The following PLCL2 variants were observed in gnomAD, a reference collection of about 807,000 sequenced individuals.
PLCL2 encodes inactive phospholipase C-like protein 2.
A neutral mutation model predicts 79.6 loss-of-function variants in PLCL2; 4 were observed. The ratio of observed to expected loss-of-function variants is 0.05; its 90% CI spans 0.02 to 0.11. The LOEUF is 0.11. Among genes scored for constraint, PLCL2 ranks in the 10% least tolerant of loss-of-function variants. PLCL2 has a pLI of 1.00. For missense variants in PLCL2, 895 were observed against 1,291.0 expected, an observed-to-expected ratio of 0.69 and a Z score of 4.70; for synonymous variants, 484 against 457.7, an observed-to-expected ratio of 1.06 and a Z score of -0.73.
intron 1 of PLCL2, chr3:16,933,435 C>T (rs2124944347): frequency 6.5e-6 from 1 of 153,702 alleles, no homozygotes; most frequent in Middle Eastern, 7.6e-4. Flanking sequence ...ATGAAATATA[C>T]TAACAAAGCC....
intron 3 of PLCL2, among the ~76,000 whole-genome samples, chr3:17,027,073 C>T (rs1280434994): frequency 6.6e-6 from 1 of 151,952 alleles, no homozygotes; most frequent in Non-Finnish European, 1.5e-5. Flanking sequence ...ATTTTTTGTC[C>T]AACATATATC....
rs546334483 is a variant in PLCL2, at chr3:17,066,690, G to A, written c.3095-1266G>A. On this transcript the variant is annotated intron_variant, in intron 4 of 5. Transcript: ENST00000615277. ...TCATCTACACATTGGAGTCTCTGTA[G>A]CTGTCACAGAAAAGAGTGAGGAAGA... Among the ~76,000 whole-genome samples, 145 of 152,296 alleles carry A rather than the reference G, an allele frequency of 9.5e-4. 1 individual carries two copies. The highest frequency in any genetic ancestry group is 1.7e-3 in the Non-Finnish European group (114 of 68,026).
At chr3:17,037,455 T>C (rs750415663) in intron 3 of PLCL2, among the ~76,000 whole-genome samples, 1 of 152,226 alleles carries the variant, frequency 6.6e-6, no homozygotes, top group Admixed American at 6.5e-5. Flanking sequence ...ATAGAATCCA[T>C]GTGAAAGAAC....
chr3:16,932,175 A>AC (rs1697418241), intron 1 of PLCL2, among the ~76,000 whole-genome samples: 1 of 152,176 alleles, frequency 6.6e-6, no homozygotes, highest in Admixed American at 6.5e-5. Context: ...ATAGCTCTTA[A>AC]TTTTTAGTTG....
At chr3:17,070,684 C>CTT (rs1344230580) in intron 5 of PLCL2, among the ~76,000 whole-genome samples, 4 of 151,946 alleles carry the variant, frequency 2.6e-5, no homozygotes, top group Non-Finnish European at 5.9e-5. Context: ...GAATTTAGGT[C>CTT]TAAGTTGAGC....
chr3:17,089,070 G>C (rs1439100783), intron 5 of PLCL2, among the ~76,000 whole-genome samples: 1 of 152,192 alleles, frequency 6.6e-6, no homozygotes, highest in East Asian at 1.9e-4. Flanking sequence ...GTGGGCTTCA[G>C]AGATGGAGAA....
chr3:17,055,012 T>C (rs972352577), intron 4 of PLCL2, among the ~76,000 whole-genome samples: 1 of 152,154 alleles, frequency 6.6e-6, no homozygotes, highest in Non-Finnish European at 1.5e-5. Flanking sequence ...TGAACTAAGA[T>C]CAGTTACATA....
intron 1 of PLCL2, among the ~76,000 whole-genome samples, chr3:16,894,224 G>T (rs1696417787): frequency 6.6e-6 from 1 of 151,994 alleles, no homozygotes; most frequent in Non-Finnish European, 1.5e-5. Context: ...ATATTGCTTA[G>T]ATTTTTATTT....
intron 3 of PLCL2, among the ~76,000 whole-genome samples, chr3:17,035,213 A>C (rs760765391): frequency 2.2e-4 from 33 of 152,212 alleles, no homozygotes; most frequent in Admixed American, 6.5e-4. Flanking sequence ...CCACCAGTTC[A>C]ATTCAACTAA....
chr3:16,949,900 A>G (rs2063635162), intron 1 of PLCL2, among the ~76,000 whole-genome samples: 1 of 152,210 alleles, frequency 6.6e-6, no homozygotes, highest in Non-Finnish European at 1.5e-5. Context: ...TTTGTTTCAT[A>G]GTTAATCCCT....
intron 1 of PLCL2, among the ~76,000 whole-genome samples, chr3:16,965,757 C>G (rs1455366956): frequency 8.6e-5 from 13 of 152,016 alleles, no homozygotes; most frequent in South Asian, 2.1e-4. Flanking sequence ...AGCTGGATTC[C>G]TAGGTATTTT....
In PLCL2 at chr3:17,010,101, A is replaced by G; in HGVS notation, c.755A>G (p.Tyr252Cys). The G allele has an allele frequency of 6.2e-7, 1 of 1,614,096 alleles. No individual in the cohort carries two copies. The highest frequency in any genetic ancestry group is 8.5e-7 in the Non-Finnish European group (1 of 1,179,958). Residue 252 changes from tyrosine to cysteine, a missense_variant, in exon 2 of 6, where the codon TAT becomes TGT. Transcript: ENST00000615277. This position sits in a 1 kb window ranked among gnomAD's most constrained non-coding sequence, Gnocchi z 5.8. Reference protein sequence around the residue: ...WVTGLRYLISYGKHTLDMLES... With the variant: ...WVTGLRYLISCGKHTLDMLES... The stretch of plus-strand genomic sequence containing the variant: ...ACAGGACTGCGGTACCTAATTTCTT[A>G]TGGAAAACATACACTTGATATGTTA...
chr3:16,980,574 T>C (rs1232982885), intron 1 of PLCL2, among the ~76,000 whole-genome samples: 1 of 141,048 alleles, frequency 7.1e-6, no homozygotes, highest in Non-Finnish European at 1.5e-5. Context: ...TTCCCAGATG[T>C]GATGGCGGCC....
chr3:16,927,371 C>A (rs546506906), intron 1 of PLCL2, among the ~76,000 whole-genome samples: 2 of 152,082 alleles, frequency 1.3e-5, no homozygotes, highest in Non-Finnish European at 2.9e-5. Context: ...ATGAAATAAA[C>A]AATAGAAGAC....
rs1282017361 is a variant in PLCL2, at chr3:16,885,098, C to T, written c.59C>T (p.Pro20Leu). ...GGGGCCCTGCCCACCTCCCCGGGCC[C>T]GGCCCTCGGCGCCAAGGGCGCCCTG... is the stretch of plus-strand genomic sequence containing the variant. ...AGGALPTSPG[P>L]ALGAKGALKA... Residue 20 changes from proline to leucine, a missense_variant, in exon 1 of 6, where the codon CCG (proline) becomes CTG (leucine). Physicochemically the swap from Pro to Leu is moderately conservative, Grantham distance 98. Coordinates refer to ENST00000615277, the MANE Select transcript of PLCL2 (RefSeq NM_001144382.2). 1 of 444,936 alleles carries T rather than the reference C, an allele frequency of 2.2e-6. No individual in the cohort carries two copies. The highest frequency in any genetic ancestry group is 4.1e-5 in the South Asian group (1 of 24,194). 27.6% of individuals were successfully genotyped at this position (444,936 alleles called of 1,614,324 possible). A position where few individuals can be genotyped will look rare whatever the true frequency, so the allele number is the denominator to read the frequency against.
At chr3:16,892,986 G>A (rs1696386797) in intron 1 of PLCL2, among the ~76,000 whole-genome samples, 1 of 152,156 alleles carries the variant, frequency 6.6e-6, no homozygotes, top group Non-Finnish European at 1.5e-5. Context: ...ACTTGCCCAA[G>A]CCATTCTGAC....
chr3:16,899,049 TAGAG>T (rs1696557989), intron 1 of PLCL2, among the ~76,000 whole-genome samples: 1 of 152,130 alleles, frequency 6.6e-6, no homozygotes, highest in African/African-American at 2.4e-5. Flanking sequence ...CAAAAGGTGG[TAGAG>T]AGAAGAATGG....
intron 5 of PLCL2, among the ~76,000 whole-genome samples, chr3:17,072,208 A>G (rs141281249): frequency 7.4e-4 from 112 of 152,322 alleles, no homozygotes; most frequent in African/African-American, 2.5e-3. Context: ...TGCTAAATGA[A>G]TTGGTGAGCA....
At chr3:16,906,671 T>C (rs1332287824) in intron 1 of PLCL2, among the ~76,000 whole-genome samples, 1 of 152,252 alleles carries the variant, frequency 6.6e-6, no homozygotes, top group Admixed American at 6.5e-5. Flanking sequence ...TAATACTTTT[T>C]ACATAATAAA....
Sources: allele counts gnomAD v4.1 joint callset (sites outside exome capture counted in the v4.1 genomes callset), GRCh38; gene constraint gnomAD v4.1.1; non-coding constraint Gnocchi (gnomAD v3.1); transcripts MANE v1.5; gene names NCBI Gene and HGNC (gene_info 2026-07-23, HGNC 2026-07-21).